Variants in FGL1 observed in about 807,000 individuals in gnomAD.
FGL1 encodes the protein fibrinogen like 1.
In FGL1, 59 loss-of-function variants were observed where a neutral mutation model predicts 43.7. The observed-to-expected ratio is 1.35, with a 90% confidence interval of 1.10 to 1.68. The LOEUF is 1.68. FGL1 is among the 40% of genes most tolerant of loss of function. The pLI is 0.00. For synonymous variants in FGL1, 192 were observed against 126.5 expected (o/e 1.52, Z -3.48); for missense variants, 596 against 373.0 (o/e 1.60, Z -4.92).
chr8:17,882,693 A>T (rs886171768), intron 2 of FGL1: 1 of 123,210 alleles, frequency 8.1e-6, no homozygotes, highest in Non-Finnish European at 1.6e-5. Context: ...AAATATGTAT[A>T]TTTAATGTAT....
intron 3 of FGL1, among the ~76,000 whole-genome samples, chr8:17,877,760 G>C (rs137869146): frequency 6.1e-4 from 93 of 152,236 alleles, no homozygotes; most frequent in African/African-American, 2.0e-3. Flanking sequence ...TTTATCCTTT[G>C]TGTTACAAAC....
At chr8:17,883,152 C>T (rs1224164265) in intron 2 of FGL1, among the ~76,000 whole-genome samples, 1 of 80,328 alleles carries the variant, frequency 1.2e-5, no homozygotes, top group Non-Finnish European at 2.0e-5. Context: ...TAATATATAT[C>T]ATATATAATA....
intron 1 of FGL1, among the ~76,000 whole-genome samples, chr8:17,886,849 G>A (rs1248765309): frequency 6.6e-6 from 1 of 152,014 alleles, no homozygotes; most frequent in Non-Finnish European, 1.5e-5. Flanking sequence ...GCAGTAGAGA[G>A]GAGCACCATG....
intron 1 of FGL1, among the ~76,000 whole-genome samples, chr8:17,886,791 G>A (rs73212614): frequency 2.4e-5 from 1 of 41,788 alleles, no homozygotes; most frequent in African/African-American, 4.2e-5. Flanking sequence ...AGAGAGGAGA[G>A]GAGAGGAGAG....
chr8:17,875,535 C>CTTTT (rs1554564386), intron 3 of FGL1, among the ~76,000 whole-genome samples: 1 of 25,456 alleles, frequency 3.9e-5, no homozygotes, highest in African/African-American at 1.4e-4. Flanking sequence ...TTCTTTCTTT[C>CTTTT]TCTTTCTTTC....
chr8:17,865,380 C>T (rs1295725849), intron 7 of FGL1, among the ~76,000 whole-genome samples: 1 of 152,142 alleles, frequency 6.6e-6, no homozygotes, highest in East Asian at 1.9e-4. Context: ...CTCACACGTT[C>T]ATTCCTCTGC....
chr8:17,893,418 T>G (rs426535), intron 1 of FGL1, among the ~76,000 whole-genome samples: 95,894 of 149,430 alleles, frequency 0.64, 31,460 homozygotes, highest in Middle Eastern at 0.74. Flanking sequence ...ATGTATATAT[T>G]ATAGATTATA....
chr8:17,873,120 T>C (rs1251057487), intron 5 of FGL1, among the ~76,000 whole-genome samples: 1 of 152,152 alleles, frequency 6.6e-6, no homozygotes, highest in African/African-American at 2.4e-5. Context: ...AATTGCCCAA[T>C]TGTTCACCTC....
chr8:17,878,343 C>A (rs1293399504), intron 3 of FGL1, among the ~76,000 whole-genome samples: 3 of 152,186 alleles, frequency 2.0e-5, no homozygotes, highest in Admixed American at 1.3e-4. Context: ...ATATGGGACA[C>A]ACAGAGGTTA....
In FGL1 at chr8:17,868,640, G is replaced by C. The variant is rs1317654874; in HGVS notation, c.687C>G (p.His229Gln). Residue 229 changes from histidine (H) to glutamine (Q), a missense_variant, in exon 7 of 8, where the codon CAC becomes CAG. Physicochemically the swap from His to Gln is conservative, Grantham distance 24. Transcript: ENST00000427924. ...CCCACGTGCTGAATTTCATTCTTTGGTGACTAGCCCACCACTGCACCTCAG... is the reference window on the plus strand; with the variant it reads ...CCCACGTGCTGAATTTCATTCTTTGCTGACTAGCCCACCACTGCACCTCAG... ...FHPEVQWWAS[H>Q]QRMKFSTWDR... 4 of 1,614,010 alleles carry C rather than the reference G, an allele frequency of 2.5e-6. No individual in the cohort carries two copies. The highest frequency in any genetic ancestry group is 3.4e-6 in the Non-Finnish European group (4 of 1,179,994).
rs1424089221 is a variant in FGL1 at position 17,868,594 on chromosome 8, C to G, written c.733G>C (p.Glu245Gln). ...STWDRDHDNY[E>Q]GNCAEEDQSG... ...TGATCTTCTTCTGCGCAGTTCCCTTCATAGTTGTCATGATCTCTGTCCCAC... is the reference window on the plus strand; with the variant it reads ...TGATCTTCTTCTGCGCAGTTCCCTTGATAGTTGTCATGATCTCTGTCCCAC... The change falls in exon 7 of 8, where the codon GAA becomes CAA. Residue 245 changes from glutamate (E) to glutamine (Q), a missense_variant. Coordinates refer to ENST00000427924, the MANE Select transcript of FGL1 (RefSeq NM_004467.4). The G allele has an allele frequency of 1.2e-6, 2 of 1,613,992 alleles. No individual in the cohort carries two copies. Among genetic ancestry groups the G allele is most frequent in the Non-Finnish European group, 1.7e-6 (2 of 1,179,970 alleles).
At chr8:17,881,668 C>A (rs34301204) in intron 3 of FGL1, among the ~76,000 whole-genome samples, 1 of 150,798 alleles carries the variant, frequency 6.6e-6, no homozygotes, top group South Asian at 2.1e-4. Context: ...CCTGCCTCTA[C>A]TAAAAATACA....
rs548821777 is a variant in FGL1, at chr8:17,869,403, T to C, written c.503-399A>G. 2.0e-5 allele frequency among the ~76,000 whole-genome samples: 3 copies of C among 152,324 alleles called. No homozygotes were observed. The South Asian group carries it at 6.2e-4, about 32-fold the overall frequency. On this transcript the variant is annotated intron_variant, in intron 5 of 7. Coordinates refer to ENST00000427924, the MANE Select transcript of FGL1 (RefSeq NM_004467.4). ...GAATGTTGATCTTGAATATAAATGG[T>C]GGCTATTAATGACATTGTGTAATCT...
intron 1 of FGL1, among the ~76,000 whole-genome samples, chr8:17,894,395 C>A (rs1383892970): frequency 6.8e-6 from 1 of 146,894 alleles, no homozygotes; most frequent in Non-Finnish European, 1.5e-5. Flanking sequence ...AAGCTATTTC[C>A]TTCCAAATTT....
Position 17,892,310 on chromosome 8 carries a change from A to T in FGL1, c.-18+3137T>A, listed in dbSNP as rs574680795. 8.5e-5 allele frequency among the ~76,000 whole-genome samples: 13 copies of T among 152,308 alleles called. No homozygotes were observed. The South Asian group carries it at 2.1e-3, about 24-fold the overall frequency. On this transcript the variant is annotated intron_variant, in intron 1 of 7. Transcript: ENST00000427924. ...AAATAAGAAACAAAAACATTTTATT[A>T]TAAGGAAGCAAAAGAAAATAAAGAT...
intron 7 of FGL1, chr8:17,868,254 C>G: frequency 4.9e-6 from 1 of 204,816 alleles, no homozygotes; most frequent in Non-Finnish European, 9.6e-6. Flanking sequence ...CATGCTCTCT[C>G]TTTCTTTGTG....
chr8:17,868,637 T>G lies in FGL1; in HGVS notation c.690A>C (p.Gln230His), dbSNP rs1198716609. The G allele has an allele frequency of 6.2e-7, 1 of 1,614,154 alleles. No homozygotes were observed. Among genetic ancestry groups the G allele is most frequent in the African/African-American group, 1.3e-5 (1 of 75,050 alleles). The change falls in exon 7 of 8, where the codon CAA becomes CAC. Residue 230 changes from glutamine (Q) to histidine (H), a missense_variant. By Grantham distance (24) the Gln-to-His change is conservative (BLOSUM62 0). Coordinates refer to ENST00000427924, the MANE Select transcript of FGL1 (RefSeq NM_004467.4). ...TGTCCCACGTGCTGAATTTCATTCT[T>G]TGGTGACTAGCCCACCACTGCACCT... The part of the protein sequence containing the change: ...HPEVQWWASH[Q>H]RMKFSTWDRD...
chr8:17,884,684 A>G (rs2053602221), intron 2 of FGL1, among the ~76,000 whole-genome samples: 2 of 152,312 alleles, frequency 1.3e-5, no homozygotes, highest in South Asian at 4.1e-4. Flanking sequence ...ATTGTTAAAC[A>G]TAGTGCACTA....
At chr8:17,882,306 A>G (rs368344948) in intron 2 of FGL1, 127 bp from the exon 3 acceptor site, 3 of 898,670 alleles carry the variant, frequency 3.3e-6, no homozygotes, top group Admixed American at 3.2e-5. Context: ...ATTATTCCAA[A>G]GAGAAAGTGG....
Sources: gnomAD v4.1 joint callset for allele counts (sites outside exome capture counted in the v4.1 genomes callset) on GRCh38, gnomAD v4.1.1 for gene constraint, MANE v1.5 for transcripts, NCBI Gene and HGNC (gene_info 2026-07-23, HGNC 2026-07-21) for gene names.